VIL1: variants seen among roughly 807,000 people sequenced by gnomAD.
VIL1 encodes the protein villin-1.
Under a neutral mutation model 104.0 loss-of-function variants are expected in VIL1, and 86 were observed. The ratio of observed to expected loss-of-function variants is 0.83; its 90% CI spans 0.69 to 0.99. VIL1 has a LOEUF of 0.99. Ranked by LOEUF, VIL1 falls within the 50% of genes least tolerant of loss-of-function variation. The probability of loss-of-function intolerance (pLI) is 0.00; values close to 1 mark genes in which losing one functional copy is unlikely to be tolerated. For missense variants in VIL1, 944 were observed against 1,054.1 expected (o/e 0.90, Z 1.45); for synonymous variants, 394 against 412.6 (o/e 0.95, Z 0.55).
intron 1 of VIL1, among the ~76,000 whole-genome samples, chr2:218,421,066 T>G (rs1688893902): frequency 6.6e-6 from 1 of 152,052 alleles, no homozygotes; most frequent in African/African-American, 2.4e-5. Flanking sequence ...CAGCTGAGGA[T>G]TCTAGGAAGG....
At chr2:218,437,832 C>T (rs1020811800) in intron 17 of VIL1, among the ~76,000 whole-genome samples, 4 of 152,132 alleles carry the variant, frequency 2.6e-5, no homozygotes, top group Non-Finnish European at 2.9e-5. Flanking sequence ...CAACCTCCCA[C>T]GGGGTGTTTC....
intron 4 of VIL1, among the ~76,000 whole-genome samples, chr2:218,426,257 C>A (rs1417420486): frequency 6.6e-6 from 1 of 151,878 alleles, no homozygotes; most frequent in African/African-American, 2.4e-5. Flanking sequence ...TTTTCTTTTT[C>A]TTCCTTTTTT....
chr2:218,445,995 C>T (rs1358461479), intron 19 of VIL1, among the ~76,000 whole-genome samples: 1 of 152,156 alleles, frequency 6.6e-6, no homozygotes, highest in African/African-American at 2.4e-5. Flanking sequence ...GGATCATTCA[C>T]AGGATGACAG....
rs1689432555 is a variant in VIL1, at chr2:218,449,552, A to T, written c.*216A>T. ...CCTATGGTCCTCATTTCAACTTCTAAGGTCGCTAGATTGTTTCTATCCTGA... is the reference window on the plus strand; with the variant it reads ...CCTATGGTCCTCATTTCAACTTCTATGGTCGCTAGATTGTTTCTATCCTGA... On this transcript the variant is annotated 3_prime_UTR_variant, in exon 20 of 20. Transcript: ENST00000248444. 1 of 461,856 alleles carries T rather than the reference A, an allele frequency of 2.2e-6. No individual in the cohort carries two copies. The highest frequency in any genetic ancestry group is 2.0e-5 in the African/African-American group (1 of 50,526). 28.6% of individuals were successfully genotyped at this position (461,856 alleles called of 1,614,324 possible). A position where few individuals can be genotyped will look rare whatever the true frequency, so the allele number is the denominator to read the frequency against.
At chr2:218,434,855 T>G in intron 14 of VIL1, 150 bp downstream of exon 14, 1 of 785,052 alleles carries the variant, frequency 1.3e-6, no homozygotes, top group Non-Finnish European at 2.0e-6. Context: ...AGTCTCTCCC[T>G]CCTCAGTAGC....
chr2:218,428,671 A>G (rs558484765), intron 6 of VIL1, among the ~76,000 whole-genome samples: 1 of 151,880 alleles, frequency 6.6e-6, no homozygotes, highest in Non-Finnish European at 1.5e-5. Context: ...GTTTGGGTGC[A>G]AAGAGATTTT....
chr2:218,425,470 C>T (rs1217683203), intron 3 of VIL1, 145 bp from the exon 4 acceptor site: 2 of 704,378 alleles, frequency 2.8e-6, no homozygotes, highest in Non-Finnish European at 4.7e-6. Flanking sequence ...GGCCATGACT[C>T]AGGGCTCCTA....
Position 218,428,208 on chromosome 2 carries a change from C to G in VIL1, c.457-19C>G. On this transcript the variant is annotated intron_variant, in intron 5 of 19. Coordinates refer to ENST00000248444, the MANE Select transcript of VIL1 (RefSeq NM_007127.3). ...GGTGAGCTCTGAGTGGGGTCTGTGCCTCCCCTGTGGCTCCCTAGGTAGAGA... is the reference window on the plus strand; with the variant it reads ...GGTGAGCTCTGAGTGGGGTCTGTGCGTCCCCTGTGGCTCCCTAGGTAGAGA... 6.2e-7 allele frequency: 1 copy of G among 1,612,622 alleles called. No homozygotes were observed. The highest frequency in any genetic ancestry group is 8.5e-7 in the Non-Finnish European group (1 of 1,178,680).
At chr2:218,423,907 A>G in intron 2 of VIL1, 54 bp downstream of exon 2, 1 of 1,595,756 alleles carries the variant, frequency 6.3e-7, no homozygotes, top group Non-Finnish European at 8.6e-7. Context: ...GAGGGAGGCA[A>G]GGCCAAGGAG....
intron 16 of VIL1, 22 bp downstream of exon 16, chr2:218,436,648 C>G (rs1689196448): frequency 6.2e-7 from 1 of 1,606,616 alleles, no homozygotes. Flanking sequence ...GGCCTGGGGA[C>G]CCCTCTTCCC....
rs139899107 is a variant in VIL1 at position 218,449,293 on chromosome 2, G to A, written c.2441G>A (p.Arg814Gln). ...MTPAAFSALP[R>Q]WKQQNLKKEK... ...CCAGCTGCCTTCTCTGCTCTGCCTCGATGGAAGCAACAAAACCTCAAGAAA... is the reference window on the plus strand; with the variant it reads ...CCAGCTGCCTTCTCTGCTCTGCCTCAATGGAAGCAACAAAACCTCAAGAAA... The change falls in exon 20 of 20, where the codon CGA becomes CAA. Residue 814 changes from arginine (R) to glutamine (Q), a missense_variant. Arg to Gln is a conservative substitution (Grantham distance 43). Transcript: ENST00000248444. 2.3e-5 allele frequency: 37 copies of A among 1,613,760 alleles called. No homozygotes were observed. The African/African-American group carries it at 3.5e-4, about 15-fold the overall frequency.
At chr2:218,423,990 C>T (rs1045445073) in intron 2 of VIL1, 137 bp downstream of exon 2, 67 of 944,214 alleles carry the variant, frequency 7.1e-5, no homozygotes, top group South Asian at 2.2e-4. Context: ...CCTCACCTCC[C>T]GCATCATCCA....
intron 14 of VIL1, 96 bp downstream of exon 14, chr2:218,434,801 C>A: frequency 1.5e-6 from 2 of 1,362,698 alleles, no homozygotes; most frequent in Non-Finnish European, 2.0e-6. Context: ...AACCCCTGGC[C>A]AACTAAGTTG....
chr2:218,428,249 T>G lies in VIL1; in HGVS notation c.479T>G (p.Phe160Cys), dbSNP rs1689037206. ...AGEVEMSWKS[F>C]NRGDVFLLDL... is the part of the protein sequence containing the mutation. ...TAGGTAGAGATGTCCTGGAAGAGTT[T>G]CAACCGAGGGGATGTTTTCCTCCTG... The change falls in exon 6 of 20, where the codon TTC becomes TGC. Residue 160 changes from phenylalanine (F) to cysteine (C), a missense_variant. By Grantham distance (205) the Phe-to-Cys change is radical. Transcript: ENST00000248444. 2.5e-6 allele frequency: 4 copies of G among 1,614,186 alleles called. No homozygotes were observed. Among genetic ancestry groups the G allele is most frequent in the Non-Finnish European group, 3.4e-6 (4 of 1,180,022 alleles).
chr2:218,429,275 C>T lies in VIL1; in HGVS notation c.568-10C>T. 6.2e-7 allele frequency: 1 copy of T among 1,607,042 alleles called. No homozygotes were observed. The highest frequency in any genetic ancestry group is 2.2e-5 in the East Asian group (1 of 44,750). ...CTACTCCCGATGGGTCACCAGGGGC[C>T]TTCCTGCAGGGCATGACTCTGGCCA... On this transcript the variant is annotated splice_polypyrimidine_tract_variant and intron_variant, in intron 6 of 19. Transcript: ENST00000248444.
At chr2:218,427,873 G>A (rs571545835) in intron 4 of VIL1, 92 bp from the exon 5 acceptor site, 17 of 1,235,852 alleles carry the variant, frequency 1.4e-5, no homozygotes, top group Middle Eastern at 2.0e-4. Context: ...TGGCCCTCAC[G>A]TGACCCCAGC....
chr2:218,432,765 CCACT>C, intron 12 of VIL1, 24 bp from the exon 13 acceptor site: 1 of 1,612,994 alleles, frequency 6.2e-7, no homozygotes, highest in Non-Finnish European at 8.5e-7. Flanking sequence ...TGACCCAATC[CCACT>C]CACTCCCTCC....
At chr2:218,446,349 C>A (rs149895638) in intron 19 of VIL1, among the ~76,000 whole-genome samples, 83 of 152,300 alleles carry the variant, frequency 5.4e-4, no homozygotes, top group African/African-American at 1.9e-3. Flanking sequence ...ATTCTCCTGC[C>A]TCAGGCTCCC....
At chr2:218,430,311 C>T (rs2106392238) in intron 9 of VIL1, among the ~76,000 whole-genome samples, 1 of 152,262 alleles carries the variant, frequency 6.6e-6, no homozygotes, top group South Asian at 2.1e-4. Flanking sequence ...AGACCAGGGC[C>T]AAGTCAGAGT....
Sources: gnomAD v4.1 joint callset for allele counts (sites outside exome capture counted in the v4.1 genomes callset) on GRCh38, gnomAD v4.1.1 for gene constraint, MANE v1.5 for transcripts, NCBI Gene and HGNC (gene_info 2026-07-23, HGNC 2026-07-21) for gene names.